The following GAB2 variants were observed in gnomAD, a reference collection of about 807,000 sequenced individuals.
GAB2 encodes the protein GRB2 associated binding protein 2, also known as GRB2-associated-binding protein 2.
In GAB2, 26 loss-of-function variants were observed where a neutral mutation model predicts 65.5. The ratio of observed to expected loss-of-function variants is 0.40; its 90% CI spans 0.29 to 0.55. The LOEUF (loss-of-function observed/expected upper bound fraction) is 0.55. Among genes scored for constraint, GAB2 ranks in the 20% least tolerant of loss-of-function variants. The pLI is 0.53. For synonymous variants in GAB2, 321 were observed against 329.6 expected (o/e 0.97, Z 0.28); for missense variants, 884 against 875.8 (o/e 1.01, Z -0.12).
intron 1 of GAB2, among the ~76,000 whole-genome samples, chr11:78,384,796 C>T (rs1475420155): frequency 6.6e-6 from 1 of 152,168 alleles, no homozygotes; most frequent in Non-Finnish European, 1.5e-5. Flanking sequence ...AGAAACCCAG[C>T]CTGTATATGA....
At chr11:78,238,453 A>C (rs1253231943) in intron 3 of GAB2, among the ~76,000 whole-genome samples, 1 of 151,538 alleles carries the variant, frequency 6.6e-6, no homozygotes, top group Non-Finnish European at 1.5e-5. Context: ...TATGTACTCC[A>C]GCCTAGGTGC....
chr11:78,291,413 C>T (rs894742057), intron 1 of GAB2, among the ~76,000 whole-genome samples: 9 of 149,646 alleles, frequency 6.0e-5, no homozygotes, highest in Non-Finnish European at 7.4e-5. Context: ...TTACGGTGAG[C>T]GGAGATCGCA....
intron 1 of GAB2, among the ~76,000 whole-genome samples, chr11:78,417,436 A>T (rs1183053470): frequency 6.6e-6 from 1 of 151,830 alleles, no homozygotes; most frequent in South Asian, 2.1e-4. Context: ...CAGGAGCCGC[A>T]GCCTCAACCT....
chr11:78,230,778 TCTCTGGG>T (rs1864820593), intron 3 of GAB2, among the ~76,000 whole-genome samples: 1 of 152,250 alleles, frequency 6.6e-6, no homozygotes, highest in Admixed American at 6.5e-5. Context: ...AGCAGCCAGG[TCTCTGGG>T]TGCCCCCACT....
At chr11:78,338,210 A>G (rs551406615) in intron 1 of GAB2, among the ~76,000 whole-genome samples, 1 of 152,334 alleles carries the variant, frequency 6.6e-6, no homozygotes, top group African/African-American at 2.4e-5. Context: ...CATAATGCCT[A>G]TTCATAATCC....
intron 1 of GAB2, among the ~76,000 whole-genome samples, chr11:78,306,405 T>C (rs949392973): frequency 1.3e-5 from 2 of 152,126 alleles, no homozygotes; most frequent in Non-Finnish European, 1.5e-5. Flanking sequence ...TAATTTTTTA[T>C]ATTCTTAGTA....
chr11:78,232,744 A>C (rs1407138356), intron 3 of GAB2, among the ~76,000 whole-genome samples: 1 of 152,212 alleles, frequency 6.6e-6, no homozygotes, highest in East Asian at 1.9e-4. Flanking sequence ...TCCCACATAA[A>C]TGAAAAAAGA....
intron 1 of GAB2, among the ~76,000 whole-genome samples, chr11:78,349,510 T>G (rs1469371358): frequency 6.6e-6 from 1 of 152,150 alleles, no homozygotes; most frequent in Non-Finnish European, 1.5e-5. Context: ...GATTCAACAA[T>G]GTATGCTGGC....
In GAB2 at chr11:78,226,970, A is replaced by T. The variant is rs370569123; in HGVS notation, c.702T>A (p.Asn234Lys). 1.9e-6 allele frequency: 3 copies of T among 1,613,606 alleles called. No homozygotes were observed. The African/African-American group carries it at 4.0e-5, about 22-fold the overall frequency. The stretch of plus-strand genomic sequence containing the variant: ...CACTGATCCCGTTGACACAGTGTCC[A>T]TTGCCCTGGGCAAGTTTTTGTACAG... ...DTAVQKLAQG[N>K]GHCVNGISGQ... The change falls in exon 4 of 10, where the codon AAT becomes AAA. Residue 234 changes from asparagine to lysine, a missense_variant. Coordinates refer to ENST00000361507, the MANE Select transcript of GAB2 (RefSeq NM_080491.3).
At chr11:78,244,990 G>A (rs999574672) in intron 3 of GAB2, among the ~76,000 whole-genome samples, 1 of 152,314 alleles carries the variant, frequency 6.6e-6, no homozygotes, top group South Asian at 2.1e-4. Flanking sequence ...GCACCCCTAT[G>A]TTTATTGCAT....
At chr11:78,372,985 G>A (rs114452092) in intron 1 of GAB2, among the ~76,000 whole-genome samples, 1,874 of 152,188 alleles carry the variant, frequency 0.012, 32 homozygotes, top group African/African-American at 0.043. Context: ...GACCCAGTAA[G>A]AAAGAATCCT....
intron 1 of GAB2, among the ~76,000 whole-genome samples, chr11:78,385,746 T>C (rs552010115): frequency 6.6e-6 from 1 of 152,280 alleles, no homozygotes; most frequent in African/African-American, 2.4e-5. Context: ...CTGAGGAAAG[T>C]TACCATGTAG....
intron 1 of GAB2, among the ~76,000 whole-genome samples, chr11:78,350,735 A>G (rs1214253388): frequency 6.6e-6 from 1 of 152,176 alleles, no homozygotes; most frequent in East Asian, 1.9e-4. Flanking sequence ...ACTTAGCCTG[A>G]ACTGCAATTT....
intron 1 of GAB2, among the ~76,000 whole-genome samples, chr11:78,334,659 G>C (rs1384033134): frequency 6.6e-6 from 1 of 152,224 alleles, no homozygotes; most frequent in African/African-American, 2.4e-5. Flanking sequence ...ACTGCTGATA[G>C]ACACTTAGGT....
intron 1 of GAB2, among the ~76,000 whole-genome samples, chr11:78,346,599 A>AG (rs1591055252): frequency 2.7e-5 from 4 of 145,750 alleles, no homozygotes; most frequent in Non-Finnish European, 4.5e-5. Flanking sequence ...AGAGAAGAGA[A>AG]AGGAGAATTT....
rs1590992630 is a variant in GAB2, at chr11:78,278,525, T to C, written c.376+2076A>G. ...CCTCCTGAGTAGCTGGGAATACAGG[T>C]GCACGTCACCACAGCCTAATTTTTG... On this transcript the variant is annotated intron_variant, in intron 2 of 9. Coordinates refer to ENST00000361507, the MANE Select transcript of GAB2 (RefSeq NM_080491.3). Among the ~76,000 whole-genome samples, 5 of 151,512 alleles carry C rather than the reference T, an allele frequency of 3.3e-5. No homozygotes were observed. The South Asian group carries it at 1.0e-3, about 32-fold the overall frequency.
chr11:78,263,899 ATTTT>A (rs35453397), intron 2 of GAB2, among the ~76,000 whole-genome samples: 1 of 142,594 alleles, frequency 7.0e-6, no homozygotes, highest in African/African-American at 2.5e-5. Flanking sequence ...TCTCCTGTCA[ATTTT>A]TTTTTTTTTT....
intron 1 of GAB2, among the ~76,000 whole-genome samples, chr11:78,397,383 T>C (rs1286585412): frequency 3.3e-5 from 5 of 152,210 alleles, no homozygotes; most frequent in African/African-American, 9.6e-5. Context: ...GCATGGTGCA[T>C]TGGAAAAGCT....
At chr11:78,369,980 G>A (rs1309363611) in intron 1 of GAB2, among the ~76,000 whole-genome samples, 2 of 152,076 alleles carry the variant, frequency 1.3e-5, no homozygotes, top group Non-Finnish European at 2.9e-5. Context: ...AATACTGGCC[G>A]GGCGCGGTGG....
Sources: allele counts gnomAD v4.1 joint callset (sites outside exome capture counted in the v4.1 genomes callset), GRCh38; gene constraint gnomAD v4.1.1; transcripts MANE v1.5; gene names NCBI Gene and HGNC (gene_info 2026-07-23, HGNC 2026-07-21).